Variants in RANBP17 observed in about 807,000 individuals in gnomAD.
RANBP17 encodes the protein ran-binding protein 17.
A neutral mutation model predicts 141.2 loss-of-function variants in RANBP17; 158 were observed. That is an observed-to-expected ratio of 1.12 (90% CI 0.98 to 1.28). The LOEUF (loss-of-function observed/expected upper bound fraction) is 1.28. RANBP17 is among the 50% of genes most tolerant of loss of function. The pLI, the probability that RANBP17 is intolerant of heterozygous loss-of-function variation, is 0.00. For synonymous variants in RANBP17, 430 were observed against 450.0 expected, an observed-to-expected ratio of 0.96 and a Z score of 0.56; for missense variants, 1,438 against 1,290.7, an observed-to-expected ratio of 1.11 and a Z score of -1.75.
intron 14 of RANBP17, among the ~76,000 whole-genome samples, chr5:170,978,908 G>A (rs1262337543): frequency 2.0e-5 from 3 of 152,040 alleles, no homozygotes; most frequent in Non-Finnish European, 2.9e-5. Flanking sequence ...GTAAAAAAGT[G>A]GAAACTTGCC....
At chr5:171,050,777 T>G (rs1471379395) in intron 14 of RANBP17, among the ~76,000 whole-genome samples, 1 of 152,202 alleles carries the variant, frequency 6.6e-6, no homozygotes, top group African/African-American at 2.4e-5. Flanking sequence ...TAGTCCAAGT[T>G]TTCCCCTCAC....
intron 14 of RANBP17, among the ~76,000 whole-genome samples, chr5:171,052,777 T>G (rs1561595042): frequency 6.6e-6 from 1 of 152,236 alleles, no homozygotes; most frequent in Non-Finnish European, 1.5e-5. Flanking sequence ...TTGATAGGTA[T>G]TGTGTTTAAT....
At chr5:170,930,398 TTTTTA>T (rs1243235604) in intron 12 of RANBP17, among the ~76,000 whole-genome samples, 3 of 151,384 alleles carry the variant, frequency 2.0e-5, no homozygotes, top group African/African-American at 7.3e-5. Context: ...TTTTTATTAT[TTTTTA>T]TTTTATTTAT....
intron 13 of RANBP17, among the ~76,000 whole-genome samples, chr5:170,967,837 A>G (rs573738948): frequency 6.6e-6 from 1 of 151,742 alleles, no homozygotes; most frequent in Non-Finnish European, 1.5e-5. Context: ...GAAATACAAG[A>G]TTAAGTAAAA....
At chr5:171,257,166 A>ATGC (rs1169235832) in intron 24 of RANBP17, among the ~76,000 whole-genome samples, 1 of 152,216 alleles carries the variant, frequency 6.6e-6, no homozygotes, top group Non-Finnish European at 1.5e-5. Flanking sequence ...TCCTTAACAA[A>ATGC]TGCTAGCAAA....
intron 14 of RANBP17, among the ~76,000 whole-genome samples, chr5:170,981,857 A>G (rs193237177): frequency 2.8e-3 from 420 of 152,306 alleles, no homozygotes; most frequent in Non-Finnish European, 4.8e-3. Flanking sequence ...GATTTGCACT[A>G]AGAACCCTGG....
At chr5:171,189,936 GA>G (rs1276572069) in intron 18 of RANBP17, among the ~76,000 whole-genome samples, 1 of 150,124 alleles carries the variant, frequency 6.7e-6, no homozygotes, top group South Asian at 2.1e-4. Context: ...TATATTAAAT[GA>G]AAAAAATAAA....
At chr5:171,066,021 C>A (rs573831803) in intron 14 of RANBP17, among the ~76,000 whole-genome samples, 39 of 151,866 alleles carry the variant, frequency 2.6e-4, no homozygotes, top group African/African-American at 7.0e-4. Context: ...CCACCATGCC[C>A]AGCTAATTTT....
chr5:171,021,345 G>A (rs959356137), intron 14 of RANBP17, among the ~76,000 whole-genome samples: 6 of 152,108 alleles, frequency 3.9e-5, no homozygotes, highest in Admixed American at 2.6e-4. Flanking sequence ...GAGTTCTCCT[G>A]GATAATATCC....
chr5:170,950,575 A>G (rs746705912), intron 12 of RANBP17, among the ~76,000 whole-genome samples: 2 of 152,072 alleles, frequency 1.3e-5, no homozygotes, highest in Non-Finnish European at 2.9e-5. Context: ...TATTAAACAG[A>G]AAAAATAACA....
intron 14 of RANBP17, among the ~76,000 whole-genome samples, chr5:171,041,712 G>A (rs889523983): frequency 6.6e-6 from 1 of 151,990 alleles, no homozygotes; most frequent in Non-Finnish European, 1.5e-5. Flanking sequence ...CATAGAAAAG[G>A]CACAGTAAAA....
At chr5:170,945,592 A>C (rs953824514) in intron 12 of RANBP17, among the ~76,000 whole-genome samples, 1 of 152,174 alleles carries the variant, frequency 6.6e-6, no homozygotes, top group East Asian at 1.9e-4. Flanking sequence ...GCTAAATTGT[A>C]CTGCTTCCCT....
At chr5:170,968,427 AT>A in intron 14 of RANBP17, 50 bp downstream of exon 14, 1 of 1,490,032 alleles carries the variant, frequency 6.7e-7, no homozygotes, top group Non-Finnish European at 9.3e-7. Flanking sequence ...ATGAAGAAAG[AT>A]GTACATATAT....
intron 14 of RANBP17, among the ~76,000 whole-genome samples, chr5:171,037,915 GT>G (rs1418771813): frequency 6.6e-6 from 1 of 151,934 alleles, no homozygotes; most frequent in Non-Finnish European, 1.5e-5. Flanking sequence ...GGCTCTTTCT[GT>G]TCTGTATGAA....
chr5:170,965,085 C>A (rs547139803), intron 13 of RANBP17, among the ~76,000 whole-genome samples: 76 of 152,258 alleles, frequency 5.0e-4, no homozygotes, highest in African/African-American at 1.7e-3. Flanking sequence ...TTAATGACTG[C>A]CATTCTAACT....
intron 3 of RANBP17, among the ~76,000 whole-genome samples, chr5:170,887,200 A>T (rs1769236656): frequency 6.6e-6 from 1 of 152,038 alleles, no homozygotes; most frequent in Admixed American, 6.6e-5. Flanking sequence ...TTCCTTTGAT[A>T]TGTCTTGTGC....
rs190601852 is a variant in RANBP17 at position 171,130,664 on chromosome 5, G to A, written c.1711-39466G>A. On this transcript the variant is annotated intron_variant, in intron 14 of 27. Coordinates refer to ENST00000523189, the MANE Select transcript of RANBP17 (RefSeq NM_022897.5). The stretch of plus-strand genomic sequence containing the variant: ...TTGGCCAGACTGGCCTCAAAATCCC[G>A]ACCTCAGGTGATCGGCCCCACACCC... 5.3e-5 allele frequency among the ~76,000 whole-genome samples: 8 copies of A among 151,700 alleles called. No individual in the cohort carries two copies. The East Asian group carries it at 7.7e-4, about 15-fold the overall frequency.
chr5:171,173,697 G>A (rs1198454915), intron 16 of RANBP17, among the ~76,000 whole-genome samples: 1 of 152,116 alleles, frequency 6.6e-6, no homozygotes, highest in Admixed American at 6.6e-5. Flanking sequence ...TCAGACTTTA[G>A]TGAGCATCGG....
At chr5:170,909,615 C>G in intron 5 of RANBP17, 46 bp from the exon 6 acceptor site, 29 of 294,514 alleles carry the variant, frequency 9.8e-5, no homozygotes, top group South Asian at 1.9e-4. Context: ...TTTTGGTTTG[C>G]TTTTTCATAG....
Sources: gnomAD v4.1 joint callset for allele counts (sites outside exome capture counted in the v4.1 genomes callset) on GRCh38, gnomAD v4.1.1 for gene constraint, MANE v1.5 for transcripts, NCBI Gene and HGNC (gene_info 2026-07-23, HGNC 2026-07-21) for gene names.